The following ANO4 variants were observed in gnomAD, a reference collection of about 807,000 sequenced individuals.
ANO4 encodes the protein anoctamin-4.
In ANO4, 69 loss-of-function variants were observed where a neutral mutation model predicts 141.9. That is an observed-to-expected ratio of 0.49 (90% CI 0.40 to 0.59). The LOEUF (loss-of-function observed/expected upper bound fraction) is 0.59. Among genes scored for constraint, ANO4 ranks in the 20% least tolerant of loss-of-function variants. The probability of loss-of-function intolerance (pLI) is 0.00; values close to 1 mark genes in which losing one functional copy is unlikely to be tolerated. For synonymous variants in ANO4, 350 were observed against 394.3 expected, an observed-to-expected ratio of 0.89 and a Z score of 1.33; for missense variants, 894 against 1,162.2, an observed-to-expected ratio of 0.77 and a Z score of 3.36.
At chr12:100,923,448 C>A (rs1328867484) in intron 3 of ANO4, among the ~76,000 whole-genome samples, 1 of 151,856 alleles carries the variant, frequency 6.6e-6, no homozygotes, top group Non-Finnish European at 1.5e-5. Flanking sequence ...CATCCATGCC[C>A]CTGCAAAGAA....
chr12:100,894,842 T>G (rs936017207), intron 1 of ANO4, among the ~76,000 whole-genome samples: 6 of 151,344 alleles, frequency 4.0e-5, no homozygotes, highest in Non-Finnish European at 8.8e-5. Context: ...GGCGGGCGCC[T>G]GTAGTCCCAG....
chr12:101,092,032 G>A (rs930635618), intron 17 of ANO4, among the ~76,000 whole-genome samples: 5 of 151,934 alleles, frequency 3.3e-5, no homozygotes, highest in African/African-American at 9.7e-5. Flanking sequence ...TCTTGTTCCC[G>A]ATCATATTGT....
intron 26 of ANO4, among the ~76,000 whole-genome samples, chr12:101,125,642 G>T (rs548588817): frequency 1.3e-5 from 2 of 152,106 alleles, no homozygotes; most frequent in African/African-American, 4.8e-5. Flanking sequence ...TAATCATGTG[G>T]TTTTTGTCTT....
Position 100,930,594 on chromosome 12 carries a change from T to A in ANO4, c.160+8264T>A, listed in dbSNP as rs1433898659. Among the ~76,000 whole-genome samples, 5 of 152,272 alleles carry A rather than the reference T, an allele frequency of 3.3e-5. No homozygotes were observed. In the South Asian group the frequency reaches 1.0e-3, roughly 32 times the overall value. ...GAAATTAGTTTTAAATGAATATTTT[T>A]TTTAAATCTCATGACTTTTTGTTTG... On this transcript the variant is annotated intron_variant, in intron 3 of 27. Coordinates refer to ENST00000392977, the MANE Select transcript of ANO4 (RefSeq NM_001286615.2).
Position 100,807,959 on chromosome 12 carries a change from C to A in ANO4, c.-141+12932C>A, listed in dbSNP as rs532255010. 9.2e-5 allele frequency among the ~76,000 whole-genome samples: 14 copies of A among 152,292 alleles called. No individual in the cohort carries two copies. In the East Asian group the frequency reaches 2.7e-3, roughly 29 times the overall value. ...ATGTACCACATCTTCTTTAGCCAGT[C>A]TGTCATTGATAAGCATTTAGGTTGA... On this transcript the variant is annotated intron_variant, in intron 1 of 27. Transcript: ENST00000392977.
rs1379525904 is a variant in ANO4 at position 100,942,391 on chromosome 12, A to G, written c.312A>G (p.Arg104=). 1 of 1,613,870 alleles carries G rather than the reference A, an allele frequency of 6.2e-7. No individual in the cohort carries two copies. The highest frequency in any genetic ancestry group is 2.2e-5 in the East Asian group (1 of 44,856). Residue 104 remains arginine, a synonymous_variant, in exon 5 of 28, where the codon AGA becomes AGG. Coordinates refer to ENST00000392977, the MANE Select transcript of ANO4 (RefSeq NM_001286615.2). ...LEAGGETVPE[R]NKSNGLYFRD... Reference sequence around the variant, plus strand: ...TTTGTGTGCAGACAGTGCCAGAAAGAAACAAATCAAATGGACTTTACTTTC... The same window carrying G: ...TTTGTGTGCAGACAGTGCCAGAAAGGAACAAATCAAATGGACTTTACTTTC...
At chr12:100,722,835 A>G (rs2030929638) in intron 1 of ANO4, among the ~76,000 whole-genome samples, 1 of 152,184 alleles carries the variant, frequency 6.6e-6, no homozygotes, top group Non-Finnish European at 1.5e-5. Flanking sequence ...ATTGCAAATA[A>G]TAAGCATAAT....
At chr12:100,826,182 G>A (rs1313034837) in intron 1 of ANO4, among the ~76,000 whole-genome samples, 1 of 151,964 alleles carries the variant, frequency 6.6e-6, no homozygotes, top group Non-Finnish European at 1.5e-5. Context: ...GTGTAACAGA[G>A]TGAAAAATTG....
intron 1 of ANO4, among the ~76,000 whole-genome samples, chr12:100,806,523 C>CCTTTTT (rs1593379234): frequency 4.4e-5 from 2 of 44,956 alleles, no homozygotes; most frequent in African/African-American, 1.5e-4. Flanking sequence ...TTTTTTGTTT[C>CCTTTTT]GTTTTTTTTT....
intron 8 of ANO4, among the ~76,000 whole-genome samples, chr12:100,988,787 C>G (rs966981731): frequency 6.8e-6 from 1 of 146,050 alleles, no homozygotes; most frequent in Non-Finnish European, 1.5e-5. Context: ...AGGAGAATCA[C>G]TTGAACCTGG....
intron 19 of ANO4, 42 bp from the exon 20 acceptor site, chr12:101,097,609 G>C (rs2050035606): frequency 1.3e-6 from 2 of 1,584,436 alleles, no homozygotes; most frequent in Non-Finnish European, 1.7e-6. Flanking sequence ...TGAAAGCTTG[G>C]ACCTAGAGCA....
intron 3 of ANO4, among the ~76,000 whole-genome samples, chr12:100,770,781 ATTTTTTTT>A (rs10652346): frequency 1.5e-5 from 2 of 131,366 alleles, no homozygotes; most frequent in African/African-American, 2.8e-5. Context: ...CTTGGCTTGA[ATTTTTTTT>A]TTTTTTTTTT....
At chr12:101,023,893 G>C (rs1410849954) in intron 9 of ANO4, among the ~76,000 whole-genome samples, 1 of 152,102 alleles carries the variant, frequency 6.6e-6, no homozygotes, top group Admixed American at 6.5e-5. Flanking sequence ...TTTCTTGATA[G>C]AACTAATGTT....
intron 1 of ANO4, among the ~76,000 whole-genome samples, chr12:100,819,035 G>GTATA (rs35083836): frequency 5.4e-5 from 8 of 147,856 alleles, no homozygotes; most frequent in South Asian, 2.1e-4. Context: ...ATGTATGTGT[G>GTATA]TATATATATA....
intron 24 of ANO4, among the ~76,000 whole-genome samples, chr12:101,113,453 T>G (rs1237542717): frequency 6.6e-6 from 1 of 152,210 alleles, no homozygotes; most frequent in Non-Finnish European, 1.5e-5. Flanking sequence ...TTGGAGCTTT[T>G]CTTTTCTTTC....
chr12:100,840,668 G>A (rs1403651421), intron 1 of ANO4, among the ~76,000 whole-genome samples: 1 of 152,156 alleles, frequency 6.6e-6, no homozygotes, highest in Non-Finnish European at 1.5e-5. Context: ...TCAGACATGT[G>A]AAGGCAGCAA....
intron 1 of ANO4, among the ~76,000 whole-genome samples, chr12:100,839,513 T>A (rs926670259): frequency 7.2e-5 from 11 of 152,150 alleles, no homozygotes; most frequent in African/African-American, 2.7e-4. Context: ...GATAAAAAAA[T>A]TTTAAGTGAT....
intron 26 of ANO4, among the ~76,000 whole-genome samples, chr12:101,125,618 T>A (rs2051279880): frequency 1.3e-5 from 2 of 152,222 alleles, no homozygotes; most frequent in Admixed American, 1.3e-4. Context: ...AGACCTTTTC[T>A]GCAGCTATTG....
chr12:101,125,548 T>C (rs563719482), intron 26 of ANO4, among the ~76,000 whole-genome samples: 70 of 152,120 alleles, frequency 4.6e-4, no homozygotes, highest in Non-Finnish European at 9.6e-4. Context: ...CTTGTGCCGG[T>C]TTTTAAGGGG....
Sources: gnomAD v4.1 joint callset for allele counts (sites outside exome capture counted in the v4.1 genomes callset) on GRCh38, gnomAD v4.1.1 for gene constraint, MANE v1.5 for transcripts, NCBI Gene and HGNC (gene_info 2026-07-23, HGNC 2026-07-21) for gene names.